SAMD3: variants seen among roughly 807,000 people sequenced by gnomAD.
SAMD3 encodes the protein sterile alpha motif domain containing 3, also known as sterile alpha motif domain-containing protein 3.
In SAMD3, 63 loss-of-function variants were observed where a neutral mutation model predicts 58.5. The ratio of observed to expected loss-of-function variants is 1.08; its 90% CI spans 0.88 to 1.33. The LOEUF is 1.33. Among genes scored for constraint, SAMD3 ranks in the 40% most tolerant of loss-of-function variants. The pLI is 0.00. For synonymous variants in SAMD3, 220 were observed against 210.3 expected (o/e 1.05, Z -0.40); for missense variants, 604 against 608.4 (o/e 0.99, Z 0.08).
At chr6:130,333,904 C>T (rs1414095358) in intron 1 of SAMD3, among the ~76,000 whole-genome samples, 2 of 152,194 alleles carry the variant, frequency 1.3e-5, no homozygotes. Flanking sequence ...GACCCAGTTT[C>T]TCTGGACTCA....
intron 1 of SAMD3, among the ~76,000 whole-genome samples, chr6:130,323,345 C>A (rs1245026228): frequency 6.6e-6 from 1 of 152,140 alleles, no homozygotes; most frequent in African/African-American, 2.4e-5. Flanking sequence ...AAATCCCTGA[C>A]AAGTCACATC....
chr6:130,353,463 ATTCTAAT>A (rs1777739846), intron 1 of SAMD3, among the ~76,000 whole-genome samples: 1 of 152,196 alleles, frequency 6.6e-6, no homozygotes, highest in Non-Finnish European at 1.5e-5. Flanking sequence ...CAAAAATAAA[ATTCTAAT>A]TTCTATCACT....
intron 9 of SAMD3, among the ~76,000 whole-genome samples, chr6:130,153,422 C>G (rs1789400306): frequency 6.6e-6 from 1 of 151,926 alleles, no homozygotes; most frequent in African/African-American, 2.4e-5. Context: ...ACAGGCAATT[C>G]TTATTTCCCT....
At chr6:130,355,274 A>G (rs1777792342) in intron 1 of SAMD3, among the ~76,000 whole-genome samples, 1 of 152,066 alleles carries the variant, frequency 6.6e-6, no homozygotes, top group Non-Finnish European at 1.5e-5. Flanking sequence ...AAATACAACA[A>G]TTAGCCGAGC....
At chr6:130,180,782 C>A (rs1056634126) in intron 7 of SAMD3, among the ~76,000 whole-genome samples, 4 of 152,110 alleles carry the variant, frequency 2.6e-5, no homozygotes, top group African/African-American at 9.7e-5. Flanking sequence ...ACTAAATATA[C>A]TTCAATGTAC....
At chr6:130,171,505 C>T (rs1791241968) in intron 8 of SAMD3, among the ~76,000 whole-genome samples, 1 of 152,120 alleles carries the variant, frequency 6.6e-6, no homozygotes, top group Admixed American at 6.5e-5. Context: ...GTTCAATTTC[C>T]ATGTAGTTGT....
At chr6:130,245,912 G>A (rs1004647805) in intron 2 of SAMD3, among the ~76,000 whole-genome samples, 7 of 152,146 alleles carry the variant, frequency 4.6e-5, no homozygotes, top group Non-Finnish European at 8.8e-5. Flanking sequence ...ATAGGAGAAG[G>A]TAGGAGGATG....
chr6:130,224,643 G>T (rs1796337318), upstream of SAMD3, among the ~76,000 whole-genome samples: 1 of 148,858 alleles, frequency 6.7e-6, no homozygotes, highest in African/African-American at 2.5e-5. Context: ...TTTTGAGATG[G>T]AGTCTCCCTT....
rs183457776 is a variant in SAMD3, at chr6:130,265,509, T to G, written c.-187-42696A>C. ...TCCTCAGACTGAGGGCTGTTCCTAG[T>G]GTATACATCATGTCACTGAGGTAGG... On this transcript the variant is annotated intron_variant, in intron 2 of 13. Transcript: ENST00000368134. Among the ~76,000 whole-genome samples, 27 of 152,320 alleles carry G rather than the reference T, an allele frequency of 1.8e-4. No homozygotes were observed. In the East Asian group the frequency reaches 5.2e-3, roughly 29 times the overall value.
intron 1 of SAMD3, among the ~76,000 whole-genome samples, chr6:130,354,163 T>A (rs2115039129): frequency 6.6e-6 from 1 of 152,000 alleles, no homozygotes; most frequent in African/African-American, 2.4e-5. Context: ...TATTAAAAAG[T>A]CAAAAAAATA....
chr6:130,203,233 G>C (rs574825523), intron 5 of SAMD3, among the ~76,000 whole-genome samples: 11 of 150,824 alleles, frequency 7.3e-5, no homozygotes, highest in African/African-American at 2.7e-4. Flanking sequence ...ACCCAGACAA[G>C]AACAACAATA....
At chr6:130,234,715 TG>T (rs1476793215) in intron 2 of SAMD3, among the ~76,000 whole-genome samples, 1 of 152,208 alleles carries the variant, frequency 6.6e-6, no homozygotes, top group African/African-American at 2.4e-5. Flanking sequence ...AGATAGGAAA[TG>T]GGTGATCCAT....
chr6:130,144,321 G>T lies in SAMD3; in HGVS notation c.*199C>A. On this transcript the variant is annotated 3_prime_UTR_variant, in exon 12 of 12. Transcript: ENST00000439090. Reference sequence around the variant, plus strand: ...CAAAATAAATCGACAGCTCTTTAATGAAGTAGAATTTTATTACAGAATTTC... The same window carrying T: ...CAAAATAAATCGACAGCTCTTTAATTAAGTAGAATTTTATTACAGAATTTC... 1.8e-6 allele frequency: 1 copy of T among 556,558 alleles called. No homozygotes were observed. The highest frequency in any genetic ancestry group is 3.1e-6 in the Non-Finnish European group (1 of 326,726). The allele number at this position is 556,558 out of a possible 1,614,324, so 34.5% of individuals were successfully genotyped here.
upstream of SAMD3, among the ~76,000 whole-genome samples, chr6:130,224,719 A>G (rs906822835): frequency 1.3e-5 from 2 of 151,752 alleles, no homozygotes; most frequent in African/African-American, 4.8e-5. Context: ...CCTGGGTTTA[A>G]GCGATTCTCC....
At chr6:130,213,838 T>G (rs143422612) in intron 4 of SAMD3, among the ~76,000 whole-genome samples, 2,039 of 152,234 alleles carry the variant, frequency 0.013, 42 homozygotes, top group African/African-American at 0.047. Flanking sequence ...TCTTAAAAAA[T>G]TAGAATACTC....
In SAMD3 at chr6:130,176,641, AT is replaced by A. The variant is rs549501308; in HGVS notation, c.655-634del. 2.2e-3 allele frequency among the ~76,000 whole-genome samples: 337 copies of A among 152,348 alleles called. 3 individuals carry two copies. Among genetic ancestry groups the A allele is most frequent in the East Asian group, 3.9e-3 (20 of 5,184 alleles). On this transcript the variant is annotated intron_variant, in intron 7 of 11. Coordinates refer to ENST00000439090, the MANE Select transcript of SAMD3 (RefSeq NM_001017373.4). ...TATAATAGGGGAAGATACATCATTC[AT>A]TTACATTGTGTTAGGAGATCATAAA...
At chr6:130,143,182 T>C (rs184672186), downstream of SAMD3, 1 of 152,356 alleles carries the variant, frequency 6.6e-6, no homozygotes, top group East Asian at 1.9e-4. Context: ...ATTTTGCAGT[T>C]ATTTCCAGAG....
chr6:130,273,962 A>G (rs1159421046), intron 2 of SAMD3, among the ~76,000 whole-genome samples: 1 of 139,148 alleles, frequency 7.2e-6, no homozygotes, highest in African/African-American at 2.9e-5. Context: ...TTCTGTTTAT[A>G]TACTTAACTC....
At chr6:130,295,601 G>C (rs1010470227) in intron 2 of SAMD3, among the ~76,000 whole-genome samples, 3 of 152,148 alleles carry the variant, frequency 2.0e-5, no homozygotes, top group African/African-American at 7.2e-5. Flanking sequence ...TCTCTCATTG[G>C]TTTAAATGAG....
Sources: gnomAD v4.1 joint callset for allele counts (sites outside exome capture counted in the v4.1 genomes callset) on GRCh38, gnomAD v4.1.1 for gene constraint, MANE v1.5 for transcripts, NCBI Gene and HGNC (gene_info 2026-07-23, HGNC 2026-07-21) for gene names.